Variants in MARK3 observed in about 807,000 individuals in gnomAD.
MARK3 encodes MAP/microtubule affinity-regulating kinase 3.
A neutral mutation model predicts 90.1 loss-of-function variants in MARK3; 46 were observed. The ratio of observed to expected loss-of-function variants is 0.51; its 90% confidence interval spans 0.40 to 0.65. The LOEUF (loss-of-function observed/expected upper bound fraction) is 0.65. MARK3 is among the 30% of genes least tolerant of loss of function. The pLI is 0.00. For synonymous variants in MARK3, 321 were observed against 332.6 expected (o/e 0.97, Z 0.38); for missense variants, 818 against 947.2 (o/e 0.86, Z 1.79).
At chr14:103,444,589 T>C (rs1032893586) in intron 3 of MARK3, among the ~76,000 whole-genome samples, 3 of 152,188 alleles carry the variant, frequency 2.0e-5, no homozygotes, top group Non-Finnish European at 4.4e-5. Flanking sequence ...CCATCCTGGC[T>C]AACATGGTGA....
At chr14:103,392,943 AG>A (rs1555368499) in intron 1 of MARK3, among the ~76,000 whole-genome samples, 1 of 151,516 alleles carries the variant, frequency 6.6e-6, no homozygotes, top group Non-Finnish European at 1.5e-5. Context: ...CCAGGTAGCT[AG>A]GATTACAGGC....
intron 12 of MARK3, among the ~76,000 whole-genome samples, chr14:103,473,759 CTG>C: frequency 6.6e-6 from 1 of 152,142 alleles, no homozygotes; most frequent in East Asian, 1.9e-4. Flanking sequence ...GGTTCTCACT[CTG>C]TCACCCAAGC....
chr14:103,444,554 G>T (rs1021253762), intron 3 of MARK3, among the ~76,000 whole-genome samples: 14 of 152,162 alleles, frequency 9.2e-5, no homozygotes, highest in Non-Finnish European at 1.3e-4. Context: ...CGAGGCGGGC[G>T]GATCACGAGG....
chr14:103,440,216 G>T (rs1396885236), intron 3 of MARK3, among the ~76,000 whole-genome samples: 3 of 152,190 alleles, frequency 2.0e-5, no homozygotes, highest in Non-Finnish European at 4.4e-5. Flanking sequence ...TATTTATTCT[G>T]TGATTCAGAG....
At chr14:103,410,720 GT>G (rs2091579764) in intron 2 of MARK3, among the ~76,000 whole-genome samples, 1 of 151,742 alleles carries the variant, frequency 6.6e-6, no homozygotes, top group Non-Finnish European at 1.5e-5. Context: ...AATAAAACAA[GT>G]TTCCTGTTTA....
chr14:103,471,829 T>C (rs1213557955), intron 12 of MARK3, among the ~76,000 whole-genome samples: 1 of 152,088 alleles, frequency 6.6e-6, no homozygotes. Flanking sequence ...TGAGTGGTAT[T>C]GGGGCAATTT....
intron 2 of MARK3, among the ~76,000 whole-genome samples, chr14:103,415,201 G>A (rs868844806): frequency 3.7e-5 from 5 of 135,154 alleles, no homozygotes; most frequent in African/African-American, 8.0e-5. Flanking sequence ...CTATATGTTC[G>A]TTGGAAGAAA....
Position 103,423,749 on chromosome 14 carries a change from C to T in MARK3, c.244-4638C>T, listed in dbSNP as rs117163127. ...CTCCCGCTCAGGCTTCCTTGCTGCACGTACACATGTCACATCAAATGATGG... is the reference window on the plus strand; with the variant it reads ...CTCCCGCTCAGGCTTCCTTGCTGCATGTACACATGTCACATCAAATGATGG... On this transcript the variant is annotated intron_variant, in intron 2 of 17. Transcript: ENST00000429436. 2.4e-3 allele frequency among the ~76,000 whole-genome samples: 362 copies of T among 152,290 alleles called. 5 individuals are homozygous for T. The East Asian group carries it at 0.026, about 11-fold the overall frequency.
chr14:103,443,599 C>T (rs952650438), intron 3 of MARK3, among the ~76,000 whole-genome samples: 1 of 152,080 alleles, frequency 6.6e-6, no homozygotes, highest in Non-Finnish European at 1.5e-5. Context: ...AGATACCCAG[C>T]GGTCACAGTG....
rs1566895200 is a variant in MARK3, at chr14:103,466,372, A to G, written c.927A>G (p.Ala309=). ...TCATGAAGGACAGGTGGATCAATGC[A>G]GGGCATGAAGAAGATGAACTCAAAC... ...EQIMKDRWIN[A]GHEEDELKPF... is the part of the protein sequence containing the mutation. Residue 309 remains alanine, a synonymous_variant, in exon 10 of 18, where the codon GCA becomes GCG. Transcript: ENST00000429436. The G allele has an allele frequency of 6.2e-7, 1 of 1,613,848 alleles. No individual in the cohort carries two copies. The highest frequency in any genetic ancestry group is 2.2e-5 in the East Asian group (1 of 44,872).
At chr14:103,488,226 TA>T (rs1454435432) in intron 14 of MARK3, among the ~76,000 whole-genome samples, 1 of 152,026 alleles carries the variant, frequency 6.6e-6, no homozygotes, top group Non-Finnish European at 1.5e-5. Flanking sequence ...TTCATATAAC[TA>T]AAAAAAGTCC....
intron 3 of MARK3, among the ~76,000 whole-genome samples, chr14:103,435,047 CTT>C (rs1267656119): frequency 1.3e-5 from 2 of 152,142 alleles, no homozygotes; most frequent in African/African-American, 4.8e-5. Flanking sequence ...CCTAGGGAAT[CTT>C]GGTCATGGGA....
intron 3 of MARK3, among the ~76,000 whole-genome samples, chr14:103,433,048 G>A (rs1457286456): frequency 6.7e-6 from 1 of 148,980 alleles, no homozygotes; most frequent in Non-Finnish European, 1.5e-5. Flanking sequence ...TAGGAACTTT[G>A]TTATTGTGCC....
chr14:103,416,323 T>C (rs2140905071), intron 2 of MARK3, among the ~76,000 whole-genome samples: 1 of 152,334 alleles, frequency 6.6e-6, no homozygotes, highest in South Asian at 2.1e-4. Flanking sequence ...AGGTATTTTT[T>C]AGAAGATGGA....
intron 12 of MARK3, among the ~76,000 whole-genome samples, chr14:103,470,453 C>CTTTTTTTT (rs1555396272): frequency 6.2e-4 from 15 of 24,164 alleles, no homozygotes; most frequent in African/African-American, 1.6e-3. Context: ...GGAACTAAAT[C>CTTTTTTTT]TATTTTTTTT....
chr14:103,409,815 A>G (rs2091527865), intron 2 of MARK3, among the ~76,000 whole-genome samples: 1 of 152,148 alleles, frequency 6.6e-6, no homozygotes, highest in Admixed American at 6.6e-5. Flanking sequence ...TGGTGGTACC[A>G]TAGTTTATTT....
intron 13 of MARK3, among the ~76,000 whole-genome samples, chr14:103,476,037 A>G (rs912778645): frequency 6.6e-6 from 1 of 152,000 alleles, no homozygotes; most frequent in Non-Finnish European, 1.5e-5. Context: ...GTTTTCTCCT[A>G]TGGGAGATAA....
chr14:103,483,464 A>C (rs1310794353), intron 14 of MARK3, among the ~76,000 whole-genome samples: 1 of 152,220 alleles, frequency 6.6e-6, no homozygotes, highest in Non-Finnish European at 1.5e-5. Context: ...TGTAAACAGG[A>C]TATTTTAAAG....
At chr14:103,480,547 A>G in intron 14 of MARK3, 57 bp downstream of exon 14, 2 of 1,022,644 alleles carry the variant, frequency 2.0e-6, no homozygotes, top group Non-Finnish European at 3.0e-6. Flanking sequence ...AAATGGAAGC[A>G]TGTTATTTAC....
Sources: allele counts gnomAD v4.1 joint callset (sites outside exome capture counted in the v4.1 genomes callset), GRCh38; gene constraint gnomAD v4.1.1; transcripts MANE v1.5; gene names NCBI Gene and HGNC (gene_info 2026-07-23, HGNC 2026-07-21).